PARVA: variants seen among roughly 807,000 people sequenced by gnomAD.
PARVA encodes the protein alpha-parvin.
Under a neutral mutation model 52.6 loss-of-function variants are expected in PARVA, and 25 were observed. The ratio of observed to expected loss-of-function variants is 0.48; its 90% CI spans 0.35 to 0.66. The LOEUF is 0.66. Among genes scored for constraint, PARVA ranks in the 30% least tolerant of loss-of-function variants. PARVA has a pLI of 0.01. For synonymous variants in PARVA, 185 were observed against 179.1 expected (o/e 1.03, Z -0.26); for missense variants, 373 against 450.9 (o/e 0.83, Z 1.56).
Position 12,446,476 on chromosome 11 carries a change from C to A in PARVA, c.137-27269C>A, listed in dbSNP as rs78605651. Among the ~76,000 whole-genome samples, 1,129 of 152,256 alleles carry A rather than the reference C, an allele frequency of 7.4e-3. 14 individuals carry two copies. Among genetic ancestry groups the A allele is most frequent in the African/African-American group, 0.025 (1,040 of 41,524 alleles). ...TCACCAAATCAGTCCTCCACTCTGA[C>A]CCAGCAATTCTACTTTTAGAAATAT... On this transcript the variant is annotated intron_variant, in intron 1 of 12. Coordinates refer to ENST00000334956, the MANE Select transcript of PARVA (RefSeq NM_018222.5).
chr11:12,377,397 C>CCTGCTT (rs1939406837), upstream of PARVA: 9 of 1,360,430 alleles, frequency 6.6e-6, no homozygotes, highest in Non-Finnish European at 7.5e-6. Context: ...GGGCATCCTC[C>CCTGCTT]CTGCTTGGGG....
chr11:12,411,890 A>G (rs1939997010), intron 1 of PARVA, among the ~76,000 whole-genome samples: 3 of 151,978 alleles, frequency 2.0e-5, no homozygotes, highest in Non-Finnish European at 4.4e-5. Flanking sequence ...AGCCTGCTTT[A>G]TCACTCCTTC....
chr11:12,380,587 A>G (rs2134940595), intron 1 of PARVA, among the ~76,000 whole-genome samples: 1 of 151,042 alleles, frequency 6.6e-6, no homozygotes, highest in African/African-American at 2.5e-5. Flanking sequence ...CAGCGTCCAT[A>G]GGGCACAGAG....
intron 1 of PARVA, among the ~76,000 whole-genome samples, chr11:12,380,156 T>C (rs1258910756): frequency 1.3e-5 from 2 of 152,162 alleles, no homozygotes; most frequent in African/African-American, 2.4e-5. Context: ...GCATCCTGTC[T>C]CTTTAGTTTC....
intron 1 of PARVA, among the ~76,000 whole-genome samples, chr11:12,399,835 C>T (rs1939800986): frequency 6.6e-6 from 1 of 152,082 alleles, no homozygotes; most frequent in African/African-American, 2.4e-5. Flanking sequence ...AACCTTTTCC[C>T]TCATTGTTGG....
intron 12 of PARVA, among the ~76,000 whole-genome samples, chr11:12,524,976 T>C (rs1259773330): frequency 6.6e-6 from 1 of 152,238 alleles, no homozygotes; most frequent in African/African-American, 2.4e-5. Context: ...CAGGAGCCTG[T>C]GCTTTGAGCT....
At chr11:12,514,440 T>C (rs923553716) in intron 10 of PARVA, among the ~76,000 whole-genome samples, 1 of 152,246 alleles carries the variant, frequency 6.6e-6, no homozygotes, top group African/African-American at 2.4e-5. Flanking sequence ...TTAATCTGTT[T>C]AGATTGAATC....
chr11:12,478,952 G>A (rs1589973482), intron 4 of PARVA: 1 of 152,322 alleles, frequency 6.6e-6, no homozygotes, highest in East Asian at 1.9e-4. Flanking sequence ...AACATTCAAA[G>A]CATTCCATCA....
chr11:12,482,705 C>T (rs574104489), intron 4 of PARVA, among the ~76,000 whole-genome samples: 84 of 151,764 alleles, frequency 5.5e-4, no homozygotes, highest in Non-Finnish European at 1.1e-3. Flanking sequence ...TGGCTGAAGG[C>T]GAATGAAGAA....
chr11:12,395,640 A>G (rs1159873370), intron 1 of PARVA, among the ~76,000 whole-genome samples: 2 of 152,170 alleles, frequency 1.3e-5, no homozygotes, highest in Non-Finnish European at 2.9e-5. Context: ...CATGTTAATT[A>G]AACAGTGAAA....
At chr11:12,423,358 T>G (rs1321700940) in intron 1 of PARVA, among the ~76,000 whole-genome samples, 5 of 150,114 alleles carry the variant, frequency 3.3e-5, no homozygotes, top group East Asian at 3.9e-4. Flanking sequence ...TTTGTTTTTT[T>G]TTTTTTTTTT....
chr11:12,377,484 G>A (rs1383178692), upstream of PARVA: 8 of 1,417,192 alleles, frequency 5.6e-6, no homozygotes, highest in Non-Finnish European at 7.4e-6. Flanking sequence ...GAGGGAGCGA[G>A]GGAGGGAGCG....
At chr11:12,396,708 G>C (rs112062329) in intron 1 of PARVA, among the ~76,000 whole-genome samples, 1,775 of 152,308 alleles carry the variant, frequency 0.012, 12 homozygotes, top group Non-Finnish European at 0.018. Flanking sequence ...TTCACAGTAC[G>C]TTTAACCAGT....
chr11:12,489,118 A>C (rs1941199263), intron 4 of PARVA, among the ~76,000 whole-genome samples: 1 of 152,094 alleles, frequency 6.6e-6, no homozygotes, highest in Middle Eastern at 3.4e-3. Flanking sequence ...TGAGCCCAGG[A>C]GTTCGAGACT....
intron 1 of PARVA, among the ~76,000 whole-genome samples, chr11:12,429,617 CGT>C (rs996978637): frequency 4.6e-5 from 7 of 152,116 alleles, no homozygotes; most frequent in Non-Finnish European, 1.0e-4. Context: ...TGATTTGATG[CGT>C]GGAATTTCAT....
intron 8 of PARVA, among the ~76,000 whole-genome samples, chr11:12,512,854 C>G (rs1941519755): frequency 6.6e-6 from 1 of 152,168 alleles, no homozygotes; most frequent in East Asian, 1.9e-4. Flanking sequence ...GGCTCCCAGC[C>G]CTCTTCTCTG....
intron 3 of PARVA, among the ~76,000 whole-genome samples, chr11:12,477,494 A>G (rs1256390826): frequency 6.6e-6 from 1 of 152,212 alleles, no homozygotes; most frequent in African/African-American, 2.4e-5. Flanking sequence ...CACTAGCAGG[A>G]TATACATCTG....
intron 1 of PARVA, among the ~76,000 whole-genome samples, chr11:12,379,634 C>T (rs1374528891): frequency 1.9e-5 from 1 of 51,828 alleles, no homozygotes; most frequent in African/African-American, 3.2e-5. Context: ...AGCTGTGATG[C>T]TGTGTGAAAT....
rs1428835819 is a variant in PARVA at position 12,533,394 on chromosome 11, A to G, written c.*5469A>G. Among the ~76,000 whole-genome samples the G allele has an allele frequency of 1.3e-5, 2 of 152,084 alleles. No homozygotes were observed. On this transcript the variant is annotated 3_prime_UTR_variant, in exon 13 of 13. Coordinates refer to ENST00000334956, the MANE Select transcript of PARVA (RefSeq NM_018222.5). ...AAGCCTCCTGGATGTGGAATAATAC[A>G]TTTTCAAAATTCATACTAATCAGCA...
Sources: gnomAD v4.1 joint callset for allele counts (sites outside exome capture counted in the v4.1 genomes callset) on GRCh38, gnomAD v4.1.1 for gene constraint, MANE v1.5 for transcripts, NCBI Gene and HGNC (gene_info 2026-07-23, HGNC 2026-07-21) for gene names.